ADGRA3: variants seen among roughly 807,000 people sequenced by gnomAD.
ADGRA3 encodes the protein adhesion G protein-coupled receptor A3, also known as G-protein coupled receptor 125.
Under a neutral mutation model 119.8 loss-of-function variants are expected in ADGRA3, and 56 were observed. The observed-to-expected ratio is 0.47, with a 90% CI of 0.38 to 0.58. The LOEUF (loss-of-function observed/expected upper bound fraction) is 0.58, where lower values mean the gene tolerates loss of function less well. Ranked by LOEUF, ADGRA3 falls within the 20% of genes least tolerant of loss-of-function variation. ADGRA3 has a pLI of 0.00. For missense variants in ADGRA3, 1,516 were observed against 1,649.0 expected, an observed-to-expected ratio of 0.92 and a Z score of 1.40; for synonymous variants, 607 against 623.8, an observed-to-expected ratio of 0.97 and a Z score of 0.40.
intron 2 of ADGRA3, among the ~76,000 whole-genome samples, chr4:22,473,454 T>C (rs898404225): frequency 6.6e-6 from 1 of 152,216 alleles, no homozygotes; most frequent in Non-Finnish European, 1.5e-5. Flanking sequence ...TCCACGTCGA[T>C]TCATTTATCA....
intron 16 of ADGRA3, among the ~76,000 whole-genome samples, chr4:22,399,021 A>G (rs759727127): frequency 1.3e-5 from 2 of 152,220 alleles, no homozygotes; most frequent in Non-Finnish European, 2.9e-5. Context: ...CCACATGTTC[A>G]TCAAGACTTG....
At chr4:22,475,441 G>A (rs1481995681) in intron 1 of ADGRA3, among the ~76,000 whole-genome samples, 5 of 152,132 alleles carry the variant, frequency 3.3e-5, no homozygotes, top group Non-Finnish European at 7.3e-5. Context: ...GCATAAGAAT[G>A]ACACAATGAG....
At chr4:22,504,604 G>C (rs1719172350) in intron 1 of ADGRA3, among the ~76,000 whole-genome samples, 1 of 151,994 alleles carries the variant, frequency 6.6e-6, no homozygotes, top group Admixed American at 6.6e-5. Context: ...CTATGAATAA[G>C]GCCCTGTCCT....
At chr4:22,513,985 C>G (rs942609528) in intron 1 of ADGRA3, among the ~76,000 whole-genome samples, 1 of 151,990 alleles carries the variant, frequency 6.6e-6, no homozygotes, top group Non-Finnish European at 1.5e-5. Flanking sequence ...ACCATATCCC[C>G]TATTTTTTTC....
intron 1 of ADGRA3, among the ~76,000 whole-genome samples, chr4:22,510,795 ATC>A (rs1213544807): frequency 2.6e-5 from 4 of 152,108 alleles, no homozygotes; most frequent in African/African-American, 9.7e-5. Flanking sequence ...AGCCACACTG[ATC>A]TCTCCCCTGT....
rs979254790 is a variant in ADGRA3, at chr4:22,453,208, AAAAAAAAAAG to A, written c.473+1648_473+1657del. On this transcript the variant is annotated intron_variant, in intron 4 of 18. Coordinates refer to ENST00000334304, the MANE Select transcript of ADGRA3 (RefSeq NM_145290.4). The stretch of plus-strand genomic sequence containing the variant: ...AGAGCGAGACTCCATCTCAAAAAAA[AAAAAAAAAAG>A]AAAGAAAAAGTAAAAATACAAAAAG... Among the ~76,000 whole-genome samples the A allele has an allele frequency of 5.8e-5, 4 of 68,786 alleles. No homozygotes were observed. The East Asian group carries it at 2.3e-3, about 40-fold the overall frequency. The allele number at this position is 68,786 out of a possible 152,430, so 45.1% of individuals were successfully genotyped here.
At chr4:22,465,160 A>G (rs1445533095) in intron 2 of ADGRA3, among the ~76,000 whole-genome samples, 2 of 152,172 alleles carry the variant, frequency 1.3e-5, no homozygotes, top group Admixed American at 6.5e-5. Flanking sequence ...ATAACACTAT[A>G]ATTATTGCTA....
Position 22,388,626 on chromosome 4 carries a change from C to T in ADGRA3, c.3045G>A (p.Leu1015=), listed in dbSNP as rs76872619. 195 of 1,613,982 alleles carry T rather than the reference C, an allele frequency of 1.2e-4. No individual in the cohort carries two copies. The highest frequency in any genetic ancestry group is 1.6e-4 in the Non-Finnish European group (183 of 1,179,992). The change falls in exon 19 of 19, where the codon TTG becomes TTA. Residue 1015 remains leucine, a synonymous_variant. Coordinates refer to ENST00000334304, the MANE Select transcript of ADGRA3 (RefSeq NM_145290.4). Reference sequence around the variant, plus strand: ...CCAAAGGGTAATACAAAGAAACAGCCAAAGCCCCAAACATCCACAGTGCAA... The same window carrying T: ...CCAAAGGGTAATACAAAGAAACAGCTAAAGCCCCAAACATCCACAGTGCAA... ...LYVALWMFGA[L]AVSLYYPLDL...
chr4:22,464,958 C>A (rs540989650), intron 2 of ADGRA3, among the ~76,000 whole-genome samples: 1 of 152,288 alleles, frequency 6.6e-6, no homozygotes, highest in South Asian at 2.1e-4. Flanking sequence ...TGGGGACCTG[C>A]TTCTGGGGAA....
intron 11 of ADGRA3, among the ~76,000 whole-genome samples, chr4:22,422,535 T>C (rs949999040): frequency 1.3e-5 from 2 of 151,294 alleles, no homozygotes; most frequent in Non-Finnish European, 2.9e-5. Context: ...CACCAGATCT[T>C]CTGACAAGCA....
chr4:22,474,694 T>G (rs537284958), intron 1 of ADGRA3, among the ~76,000 whole-genome samples: 16 of 152,326 alleles, frequency 1.1e-4, no homozygotes, highest in Admixed American at 9.2e-4. Context: ...GGCCCAAGAT[T>G]ACACTAGCCA....
In ADGRA3 at chr4:22,444,728, G is replaced by A. The variant is rs149422119; in HGVS notation, c.706+245C>T. 5.0e-3 allele frequency among the ~76,000 whole-genome samples: 756 copies of A among 151,962 alleles called. 10 individuals carry two copies. Among genetic ancestry groups the A allele is most frequent in the African/African-American group, 0.017 (706 of 41,446 alleles). On this transcript the variant is annotated intron_variant, in intron 6 of 18. Transcript: ENST00000334304. ...TCTGAAAATCTATTCTTTGAAATTG[G>A]TTTGCATAAAGAAAGCTGATGTGAA...
intron 2 of ADGRA3, among the ~76,000 whole-genome samples, chr4:22,469,000 C>G (rs1049459972): frequency 1.2e-4 from 18 of 152,100 alleles, no homozygotes; most frequent in South Asian, 2.1e-4. Context: ...GCAAGTTTAG[C>G]AGCCTAACAG....
At chr4:22,511,813 C>T (rs578210411) in intron 1 of ADGRA3, among the ~76,000 whole-genome samples, 70 of 152,114 alleles carry the variant, frequency 4.6e-4, no homozygotes, top group African/African-American at 1.7e-3. Context: ...CCCGTGGGCA[C>T]CTGGGGTCCC....
At chr4:22,410,067 T>C (rs550304893) in intron 14 of ADGRA3, among the ~76,000 whole-genome samples, 1 of 152,310 alleles carries the variant, frequency 6.6e-6, no homozygotes, top group African/African-American at 2.4e-5. Flanking sequence ...CATTTTAATC[T>C]ATAAAATGAC....
chr4:22,397,997 G>T (rs566220530), intron 16 of ADGRA3: 2 of 799,726 alleles, frequency 2.5e-6, no homozygotes, highest in African/African-American at 3.7e-5. Context: ...AGACCTGCAA[G>T]GTAAGTGGGA....
intron 1 of ADGRA3, among the ~76,000 whole-genome samples, chr4:22,489,082 T>G (rs1243306553): frequency 2.0e-5 from 3 of 152,166 alleles, no homozygotes; most frequent in African/African-American, 7.2e-5. Flanking sequence ...AGAGATTTAA[T>G]GGACTCACAG....
chr4:22,391,016 CA>C (rs931708157), intron 17 of ADGRA3, among the ~76,000 whole-genome samples: 13 of 152,236 alleles, frequency 8.5e-5, no homozygotes, highest in African/African-American at 3.1e-4. Context: ...CACTCTCCCA[CA>C]AATCATCCAT....
At chr4:22,480,562 A>C (rs1718229814) in intron 1 of ADGRA3, among the ~76,000 whole-genome samples, 1 of 152,174 alleles carries the variant, frequency 6.6e-6, no homozygotes, top group Non-Finnish European at 1.5e-5. Context: ...GGAGGGTAAA[A>C]GTATAAACAT....
Sources: gnomAD v4.1 joint callset for allele counts (sites outside exome capture counted in the v4.1 genomes callset) on GRCh38, gnomAD v4.1.1 for gene constraint, MANE v1.5 for transcripts, NCBI Gene and HGNC (gene_info 2026-07-23, HGNC 2026-07-21) for gene names.